Variants in HDLBP observed in about 807,000 individuals in gnomAD.
HDLBP encodes vigilin.
In HDLBP, 30 loss-of-function variants were observed where a neutral mutation model predicts 137.3. The observed-to-expected ratio is 0.22, with a 90% CI of 0.16 to 0.30. The LOEUF (loss-of-function observed/expected upper bound fraction) is 0.30, where lower values mean the gene tolerates loss of function less well. HDLBP is among the 10% of genes least tolerant of loss of function. The probability of loss-of-function intolerance (pLI) is 1.00; values close to 1 mark genes in which losing one functional copy is unlikely to be tolerated. For missense variants in HDLBP, 1,119 were observed against 1,667.3 expected (o/e 0.67, Z 5.73); for synonymous variants, 606 against 596.0 (o/e 1.02, Z -0.24).
At position 241,305,338 on chromosome 2, in the gene HDLBP, G is replaced by A. The variant is rs150912349; in HGVS notation, c.-103+10232C>T. Among the ~76,000 whole-genome samples the A allele has an allele frequency of 6.1e-3, 933 of 152,246 alleles. 5 individuals carry two copies. The highest frequency in any genetic ancestry group is 0.021 in the African/African-American group (893 of 41,542). Reference sequence around the variant, plus strand: ...GGGTTTCACCATGTTGGACAGGCTGGTCTCGAACTCCTGACCTCAGGTGAT... The same window carrying A: ...GGGTTTCACCATGTTGGACAGGCTGATCTCGAACTCCTGACCTCAGGTGAT... On this transcript the variant is annotated intron_variant, in intron 1 of 27. Coordinates refer to ENST00000310931, the MANE Select transcript of HDLBP (RefSeq NM_005336.6).
chr2:241,272,025 A>T lies in HDLBP; in HGVS notation c.-102-3484T>A. 4.4e-6 allele frequency: 1 copy of T among 225,722 alleles called. No homozygotes were observed. The highest frequency in any genetic ancestry group is 7.4e-6 in the Non-Finnish European group (1 of 135,368). 14.0% of individuals were successfully genotyped at this position (225,722 alleles called of 1,614,324 possible). A position where few individuals can be genotyped will look rare whatever the true frequency, so the allele number is the denominator to read the frequency against. On this transcript the variant is annotated intron_variant, in intron 1 of 27. Coordinates refer to ENST00000310931, the MANE Select transcript of HDLBP (RefSeq NM_005336.6). This position sits in a 1 kb window ranked among gnomAD's most constrained non-coding sequence, Gnocchi z 5.6. The stretch of plus-strand genomic sequence containing the variant: ...GGCCCGCGGGCGGGGACAGGCTTAA[A>T]GGGACAGCAACCCCTCGGCCTCCCC...
chr2:241,260,595 T>C (rs544288586), intron 5 of HDLBP, among the ~76,000 whole-genome samples: 150 of 152,332 alleles, frequency 9.8e-4, no homozygotes, highest in African/African-American at 3.5e-3. Context: ...AAGCATAATT[T>C]GCAACCCTTA....
At chr2:241,254,934 A>T (rs2072492262) in intron 9 of HDLBP, 117 bp downstream of exon 9, 1 of 798,006 alleles carries the variant, frequency 1.3e-6, no homozygotes. Context: ...GTTAATTCAG[A>T]AAAATACACC....
chr2:241,276,986 T>TAAAAA (rs757786857), intron 1 of HDLBP, among the ~76,000 whole-genome samples: 1 of 129,870 alleles, frequency 7.7e-6, no homozygotes, highest in Admixed American at 7.7e-5. Flanking sequence ...GGCCAGGAGC[T>TAAAAA]AAAAAAAAAA....
At chr2:241,234,985 C>A in intron 23 of HDLBP, 136 bp downstream of exon 23, 1 of 1,020,098 alleles carries the variant, frequency 9.8e-7, no homozygotes, top group South Asian at 1.5e-5. Flanking sequence ...TGACTGCGTC[C>A]TGGCACTGCC....
At chr2:241,285,073 G>C (rs993702569) in intron 1 of HDLBP, among the ~76,000 whole-genome samples, 1 of 152,178 alleles carries the variant, frequency 6.6e-6, no homozygotes, top group African/African-American at 2.4e-5. Flanking sequence ...TAGAGGCGGG[G>C]TTTCACCATG....
At chr2:241,241,676 A>G (rs4675818) in intron 17 of HDLBP, among the ~76,000 whole-genome samples, 5,042 of 151,688 alleles carry the variant, frequency 0.033, 526 homozygotes, top group Admixed American at 0.19. Context: ...ACATACAAAA[A>G]CCACAGGCAC....
intron 12 of HDLBP, chr2:241,249,478 C>T: frequency 2.0e-6 from 1 of 492,960 alleles, no homozygotes; most frequent in Non-Finnish European, 4.1e-6. Context: ...TTGCAGTGAT[C>T]CTCGAGTCTG....
chr2:241,301,751 C>T lies in HDLBP; in HGVS notation c.-103+13819G>A, dbSNP rs78402260. On this transcript the variant is annotated intron_variant, in intron 1 of 27. Transcript: ENST00000310931. ...GACAGGCAGAAAAGATCCCAAAGGG[C>T]CATCCTTTCCTTTCGTTTTGTTTTT... Among the ~76,000 whole-genome samples the T allele has an allele frequency of 0.01, 1,533 of 152,094 alleles. 68 individuals carry two copies. In the East Asian group the frequency reaches 0.1, roughly 10 times the overall value.
intron 1 of HDLBP, among the ~76,000 whole-genome samples, chr2:241,293,248 T>C (rs2075063966): frequency 6.6e-6 from 1 of 152,028 alleles, no homozygotes; most frequent in East Asian, 1.9e-4. Context: ...CTCAGCACTT[T>C]AGGATCACTT....
At chr2:241,285,615 A>T (rs544155769) in intron 1 of HDLBP, among the ~76,000 whole-genome samples, 34 of 152,376 alleles carry the variant, frequency 2.2e-4, no homozygotes, top group Middle Eastern at 3.4e-3. Flanking sequence ...TGTTTATGCC[A>T]GTTTCACTAG....
chr2:241,237,813 A>C (rs954854596), intron 20 of HDLBP, among the ~76,000 whole-genome samples: 1 of 152,260 alleles, frequency 6.6e-6, no homozygotes, highest in Non-Finnish European at 1.5e-5. Flanking sequence ...TATCAAAATC[A>C]AAGTTTTAAA....
chr2:241,273,542 C>T (rs1272148645), intron 1 of HDLBP: 3 of 939,174 alleles, frequency 3.2e-6, no homozygotes, highest in Non-Finnish European at 3.8e-6. Context: ...ACTTCTGCAT[C>T]CATTGTGTTT....
At chr2:241,308,912 C>T (rs753279474) in intron 1 of HDLBP, among the ~76,000 whole-genome samples, 1 of 152,176 alleles carries the variant, frequency 6.6e-6, no homozygotes, top group African/African-American at 2.4e-5. Context: ...CTAGGAGCCC[C>T]GGCTTCTTCC....
chr2:241,235,031 TG>T, intron 23 of HDLBP, 89 bp downstream of exon 23: 1 of 1,497,530 alleles, frequency 6.7e-7, no homozygotes, highest in Admixed American at 1.8e-5. Flanking sequence ...GCTGGGATGC[TG>T]GGATCCTGAA....
intron 11 of HDLBP, among the ~76,000 whole-genome samples, chr2:241,252,095 C>T (rs906013601): frequency 1.9e-4 from 29 of 152,200 alleles, no homozygotes; most frequent in African/African-American, 6.3e-4. Context: ...AGGCACACAG[C>T]GACCTTGGCC....
intron 16 of HDLBP, among the ~76,000 whole-genome samples, chr2:241,246,043 A>G (rs1432367116): frequency 6.6e-6 from 1 of 152,204 alleles, no homozygotes; most frequent in Non-Finnish European, 1.5e-5. Context: ...GTACACACAA[A>G]GAAACAGATG....
intron 16 of HDLBP, among the ~76,000 whole-genome samples, chr2:241,246,107 T>C (rs2071651009): frequency 6.6e-6 from 1 of 152,054 alleles, no homozygotes; most frequent in Non-Finnish European, 1.5e-5. Context: ...AAACCAACAA[T>C]ACAGGTGACA....
rs1403963055 is a variant in HDLBP, at chr2:241,233,146, T to G, written c.3288+674A>C. ...GCTAGTCTCCCACTGTGGGCAAAGC[T>G]GTGCTGGACACGCCTAGGAAGCAGA... On this transcript the variant is annotated intron_variant, in intron 24 of 27. Transcript: ENST00000310931. The surrounding 1 kb of genome is among the most constrained non-coding windows in gnomAD (Gnocchi z 4.3). 6.6e-6 allele frequency among the ~76,000 whole-genome samples: 1 copy of G among 152,132 alleles called. No homozygotes were observed. Among genetic ancestry groups the G allele is most frequent in the Non-Finnish European group, 1.5e-5 (1 of 68,016 alleles).
Sources: allele counts gnomAD v4.1 joint callset (sites outside exome capture counted in the v4.1 genomes callset), GRCh38; gene constraint gnomAD v4.1.1; non-coding constraint Gnocchi (gnomAD v3.1); transcripts MANE v1.5; gene names NCBI Gene and HGNC (gene_info 2026-07-23, HGNC 2026-07-21).